The following RABGEF1 variants were observed in gnomAD, a reference collection of about 807,000 sequenced individuals.
RABGEF1 encodes RAB guanine nucleotide exchange factor 1.
Under a neutral mutation model 57.3 loss-of-function variants are expected in RABGEF1, and 26 were observed. The ratio of observed to expected loss-of-function variants is 0.45; its 90% CI spans 0.33 to 0.63. The LOEUF (loss-of-function observed/expected upper bound fraction) is 0.63. Ranked by LOEUF, RABGEF1 falls within the 20% of genes least tolerant of loss-of-function variation. The pLI, the probability that RABGEF1 is intolerant of heterozygous loss-of-function variation, is 0.02. For missense variants in RABGEF1, 464 were observed against 607.6 expected (o/e 0.76, Z 2.48); for synonymous variants, 185 against 210.7 (o/e 0.88, Z 1.06).
chr7:66,776,999 G>A (rs376003232), intron 3 of RABGEF1, among the ~76,000 whole-genome samples: 1 of 152,178 alleles, frequency 6.6e-6, no homozygotes, highest in East Asian at 1.9e-4. Flanking sequence ...ATACCTACCA[G>A]AGGCACGTGA....
the RABGEF1 span, among the ~76,000 whole-genome samples, chr7:66,656,674 G>A: frequency 2.0e-5 from 3 of 152,006 alleles, no homozygotes; most frequent in South Asian, 2.1e-4. Flanking sequence ...AGAAAAATTA[G>A]CCGGCTGTGA....
intron 1 of RABGEF1, among the ~76,000 whole-genome samples, chr7:66,748,321 T>C (rs1406127891): frequency 6.6e-6 from 1 of 152,212 alleles, no homozygotes; most frequent in African/African-American, 2.4e-5. Context: ...TTTTAGATTA[T>C]CTAGATGAGT....
At chr7:66,729,495 CATCCTCACCTTCAACCTCACCTTT>C (rs1156551002) in intron 2 of RABGEF1, among the ~76,000 whole-genome samples, 209 of 152,336 alleles carry the variant, frequency 1.4e-3, no homozygotes, top group Middle Eastern at 3.4e-3. Context: ...TCCTCACCTC[CATCCTCACCTTCAACCTCACCTTT>C]ATCCTCACCT....
At chr7:66,752,398 G>T (rs1801646377) in intron 1 of RABGEF1, among the ~76,000 whole-genome samples, 1 of 151,976 alleles carries the variant, frequency 6.6e-6, no homozygotes, top group African/African-American at 2.4e-5. Context: ...GGAGGCTGAG[G>T]CAGGAGAATC....
the RABGEF1 span, among the ~76,000 whole-genome samples, chr7:66,660,287 G>A: frequency 3.0e-3 from 456 of 151,362 alleles, 2 homozygotes; most frequent in African/African-American, 0.011. Flanking sequence ...GGCTGAGCTT[G>A]CAGTCAGCCA....
At chr7:66,739,978 A>C (rs75604562), upstream of RABGEF1, 1 of 141,236 alleles carries the variant, frequency 7.1e-6, no homozygotes, top group Non-Finnish European at 1.6e-5. Context: ...GATGTCGGTT[A>C]TGTTTTTTTT....
intron 4 of RABGEF1, among the ~76,000 whole-genome samples, chr7:66,787,188 A>C (rs1447332935): frequency 6.7e-6 from 1 of 149,680 alleles, no homozygotes; most frequent in Non-Finnish European, 1.5e-5. Context: ...CACCATGCCC[A>C]GATAATTTTT....
intron 2 of RABGEF1, among the ~76,000 whole-genome samples, chr7:66,733,127 C>A (rs1396147345): frequency 6.6e-6 from 1 of 152,204 alleles, no homozygotes; most frequent in East Asian, 1.9e-4. Context: ...GTGCACCTCA[C>A]CTGCCTTCCA....
chr7:66,714,689 A>G (rs1795159845), intron 2 of RABGEF1, among the ~76,000 whole-genome samples: 1 of 152,186 alleles, frequency 6.6e-6, no homozygotes, highest in Non-Finnish European at 1.5e-5. Context: ...TAATCCCAGC[A>G]CTTTGGGAGG....
At chr7:66,660,411 G>A in the RABGEF1 span, among the ~76,000 whole-genome samples, 1 of 150,816 alleles carries the variant, frequency 6.6e-6, no homozygotes. Flanking sequence ...AGCAATTAAA[G>A]TGATTATAAG....
chr7:66,664,046 C>A, the RABGEF1 span, among the ~76,000 whole-genome samples: 2 of 149,308 alleles, frequency 1.3e-5, no homozygotes, highest in East Asian at 2.0e-4. Context: ...TGCACTCGAG[C>A]CTGGGTGACA....
rs1807223261 is a variant in RABGEF1 at position 66,771,825 on chromosome 7, A to G, written c.-17-58A>G. The G allele has an allele frequency of 4.0e-6, 5 of 1,254,562 alleles. No individual in the cohort carries two copies. The South Asian group carries it at 6.8e-5, about 17-fold the overall frequency. The allele number at this position is 1,254,562 out of a possible 1,614,324, so 77.7% of individuals were successfully genotyped here. A position where few individuals can be genotyped will look rare whatever the true frequency, so the allele number is the denominator to read the frequency against. On this transcript the variant is annotated intron_variant, in intron 1 of 8. Transcript: ENST00000284957. ...CACTCACTTTTTGTTCATAATTGGTAAGATTTTATTTAGTAGAATGATAAT... is the reference window on the plus strand; with the variant it reads ...CACTCACTTTTTGTTCATAATTGGTGAGATTTTATTTAGTAGAATGATAAT...
upstream of RABGEF1, chr7:66,682,033 A>C (rs997034584): frequency 6.1e-6 from 1 of 164,746 alleles, no homozygotes. Flanking sequence ...TCCCGCTCGC[A>C]CTTCCTCCCG....
chr7:66,785,907 C>T (rs1370946664), intron 4 of RABGEF1, among the ~76,000 whole-genome samples: 2 of 151,916 alleles, frequency 1.3e-5, no homozygotes, highest in Non-Finnish European at 2.9e-5. Flanking sequence ...GTACTCAGTT[C>T]TTCAAAACTG....
the RABGEF1 span, among the ~76,000 whole-genome samples, chr7:66,658,278 A>G: frequency 6.6e-6 from 1 of 152,212 alleles, no homozygotes; most frequent in Non-Finnish European, 1.5e-5. Context: ...CGTGCCTGTA[A>G]TCCCAGCACT....
the RABGEF1 span, among the ~76,000 whole-genome samples, chr7:66,675,455 AC>A: frequency 6.6e-6 from 1 of 151,796 alleles, no homozygotes; most frequent in Non-Finnish European, 1.5e-5. Context: ...AACAAAAAAA[AC>A]CCCAAAAAAC....
At chr7:66,728,084 C>T (rs911629138) in intron 2 of RABGEF1, among the ~76,000 whole-genome samples, 9 of 152,194 alleles carry the variant, frequency 5.9e-5, no homozygotes, top group Non-Finnish European at 1.0e-4. Flanking sequence ...CTCCGCTCCT[C>T]ATCACCCCCA....
intron 1 of RABGEF1, among the ~76,000 whole-genome samples, chr7:66,711,621 C>T (rs1260355288): frequency 8.6e-5 from 13 of 151,452 alleles, no homozygotes; most frequent in Admixed American, 8.6e-4. Context: ...GAGTCTTGCT[C>T]TGTCACCCAG....
At position 66,799,309 on chromosome 7, in the gene RABGEF1, C is replaced by G. The variant is rs754952427; in HGVS notation, c.729-14C>G. 4.5e-6 allele frequency: 7 copies of G among 1,565,120 alleles called. No individual in the cohort carries two copies. The highest frequency in any genetic ancestry group is 6.2e-6 in the Non-Finnish European group (7 of 1,136,952). ...TATCCTTGGAGCTCTTGTTTACTGT[C>G]TCTCTCTCTTTAGAGCCCTGCGCTG... On this transcript the variant is annotated splice_polypyrimidine_tract_variant and intron_variant, in intron 6 of 8. Coordinates refer to ENST00000284957, the MANE Select transcript of RABGEF1 (RefSeq NM_014504.3).
Sources: allele counts gnomAD v4.1 joint callset (sites outside exome capture counted in the v4.1 genomes callset), GRCh38; gene constraint gnomAD v4.1.1; transcripts MANE v1.5; gene names NCBI Gene and HGNC (gene_info 2026-07-23, HGNC 2026-07-21).